TBL1XR1: variants seen among roughly 807,000 people sequenced by gnomAD.
TBL1XR1 encodes the protein F-box-like/WD repeat-containing protein TBL1XR1.
In TBL1XR1, 5 loss-of-function variants were observed where a neutral mutation model predicts 66.9. The observed-to-expected ratio is 0.07, with a 90% CI of 0.04 to 0.16. The LOEUF is 0.16. Ranked by LOEUF, TBL1XR1 falls within the 10% of genes least tolerant of loss-of-function variation. The pLI, the probability that TBL1XR1 is intolerant of heterozygous loss-of-function variation, is 1.00. For missense variants in TBL1XR1, 238 were observed against 623.2 expected, an observed-to-expected ratio of 0.38 and a Z score of 6.58; for synonymous variants, 210 against 206.0, an observed-to-expected ratio of 1.02 and a Z score of -0.17.
intron 2 of TBL1XR1, among the ~76,000 whole-genome samples, chr3:177,095,208 G>C (rs1049296913): frequency 5.9e-5 from 9 of 152,012 alleles, no homozygotes; most frequent in Admixed American, 6.6e-5. Flanking sequence ...GGACGGGCTA[G>C]GGGGAGAGGG....
chr3:177,167,765 T>C (rs1732997170), intron 1 of TBL1XR1, among the ~76,000 whole-genome samples: 1 of 152,130 alleles, frequency 6.6e-6, no homozygotes, highest in African/African-American at 2.4e-5. Flanking sequence ...ACCCCATCTC[T>C]ACTAAAAATA....
intron 12 of TBL1XR1, among the ~76,000 whole-genome samples, chr3:177,037,041 C>T (rs1054787412): frequency 1.3e-5 from 2 of 152,130 alleles, no homozygotes; most frequent in African/African-American, 4.8e-5. Context: ...TTTAGTCATA[C>T]AACAAGAAAA....
At chr3:177,086,978 G>A (rs1168200357) in intron 2 of TBL1XR1, 13 of 148,862 alleles carry the variant, frequency 8.7e-5, no homozygotes, top group Admixed American at 7.4e-4. Flanking sequence ...TCATTAAATG[G>A]AAGTGAATCA....
chr3:177,083,297 C>T (rs901943181), intron 2 of TBL1XR1, among the ~76,000 whole-genome samples: 1 of 150,810 alleles, frequency 6.6e-6, no homozygotes, highest in Non-Finnish European at 1.5e-5. Flanking sequence ...ATTATGTATC[C>T]ATCCCCTCCA....
chr3:177,157,694 G>A (rs1731681616), intron 1 of TBL1XR1, among the ~76,000 whole-genome samples: 1 of 152,066 alleles, frequency 6.6e-6, no homozygotes, highest in Admixed American at 6.5e-5. Flanking sequence ...CCACAAAATG[G>A]AATGGAATTC....
chr3:177,046,834 A>T (rs1716391799), intron 9 of TBL1XR1, among the ~76,000 whole-genome samples: 1 of 152,120 alleles, frequency 6.6e-6, no homozygotes, highest in African/African-American at 2.4e-5. Context: ...ATAATCTTAA[A>T]CCTTTAGGAG....
intron 12 of TBL1XR1, 25 bp from the exon 13 acceptor site, chr3:177,034,350 C>CA: frequency 6.8e-7 from 1 of 1,462,350 alleles, no homozygotes; most frequent in Non-Finnish European, 9.1e-7. Context: ...AAAATGTATA[C>CA]AATTATTTTT....
intron 1 of TBL1XR1, among the ~76,000 whole-genome samples, chr3:177,134,619 TAA>T (rs1453898571): frequency 6.6e-6 from 1 of 152,168 alleles, no homozygotes; most frequent in African/African-American, 2.4e-5. Flanking sequence ...TATGTTTCCT[TAA>T]AGAAATACCC....
intron 1 of TBL1XR1, among the ~76,000 whole-genome samples, chr3:177,193,719 T>C (rs945463336): frequency 3.9e-5 from 6 of 152,078 alleles, no homozygotes; most frequent in African/African-American, 1.4e-4. Context: ...CGCTCAACTA[T>C]AGATCATAAA....
At chr3:177,087,833 G>A (rs1344777578) in intron 2 of TBL1XR1, among the ~76,000 whole-genome samples, 1 of 152,012 alleles carries the variant, frequency 6.6e-6, no homozygotes, top group Non-Finnish European at 1.5e-5. Flanking sequence ...CCAATTTTAT[G>A]GCTATATGGG....
At chr3:177,138,621 G>T (rs1053472048) in intron 1 of TBL1XR1, among the ~76,000 whole-genome samples, 7 of 152,048 alleles carry the variant, frequency 4.6e-5, no homozygotes, top group African/African-American at 1.7e-4. Context: ...GGGGGAAAGT[G>T]GGCATTGTTG....
intron 1 of TBL1XR1, among the ~76,000 whole-genome samples, chr3:177,147,705 T>A (rs1730422058): frequency 6.6e-6 from 1 of 152,180 alleles, no homozygotes; most frequent in African/African-American, 2.4e-5. Flanking sequence ...TGGCTCCTAA[T>A]AAGGCTTCAG....
At chr3:177,164,854 C>T (rs1309388171) in intron 1 of TBL1XR1, among the ~76,000 whole-genome samples, 1 of 152,128 alleles carries the variant, frequency 6.6e-6, no homozygotes, top group Non-Finnish European at 1.5e-5. Flanking sequence ...AACTACAAGA[C>T]TATGGTATCC....
chr3:177,189,662 A>AG (rs1735878477), intron 1 of TBL1XR1, among the ~76,000 whole-genome samples: 1 of 50,922 alleles, frequency 2.0e-5, no homozygotes, highest in African/African-American at 5.7e-5. Context: ...AAAAAAAAAA[A>AG]AAAGAAGGAT....
intron 2 of TBL1XR1, among the ~76,000 whole-genome samples, chr3:177,090,947 C>G (rs1389983522): frequency 6.6e-6 from 1 of 152,022 alleles, no homozygotes; most frequent in South Asian, 2.1e-4. Flanking sequence ...CATGATCAGG[C>G]CACTGCAATC....
intron 10 of TBL1XR1, among the ~76,000 whole-genome samples, chr3:177,041,558 T>G (rs1315315122): frequency 6.6e-6 from 1 of 152,166 alleles, no homozygotes; most frequent in Non-Finnish European, 1.5e-5. Flanking sequence ...CCAACCTAAA[T>G]CAACTAGTAA....
At chr3:177,198,129 T>C (rs941818954), upstream of TBL1XR1, among the ~76,000 whole-genome samples, 7 of 152,286 alleles carry the variant, frequency 4.6e-5, no homozygotes, top group East Asian at 1.9e-4. Context: ...TAAATACATA[T>C]GGTTCTCCGA....
intron 1 of TBL1XR1, among the ~76,000 whole-genome samples, chr3:177,103,521 C>T (rs1265821655): frequency 1.3e-5 from 2 of 152,184 alleles, no homozygotes; most frequent in Non-Finnish European, 2.9e-5. Context: ...GCCACCTACA[C>T]ACAATTAGGA....
intron 1 of TBL1XR1, among the ~76,000 whole-genome samples, chr3:177,133,481 G>A (rs1728545709): frequency 6.6e-6 from 1 of 151,892 alleles, no homozygotes; most frequent in South Asian, 2.1e-4. Flanking sequence ...ATCTATACTA[G>A]GCATGATTAA....
Sources: allele counts gnomAD v4.1 joint callset (sites outside exome capture counted in the v4.1 genomes callset), GRCh38; gene constraint gnomAD v4.1.1; transcripts MANE v1.5; gene names NCBI Gene and HGNC (gene_info 2026-07-23, HGNC 2026-07-21).